Variants in FRMD4A observed in about 807,000 individuals in gnomAD.
FRMD4A encodes FERM domain containing 4A.
Under a neutral mutation model 129.1 loss-of-function variants are expected in FRMD4A, and 29 were observed. That is an observed-to-expected ratio of 0.22 (90% CI 0.17 to 0.31). FRMD4A has a LOEUF of 0.31. Among genes scored for constraint, FRMD4A ranks in the 10% least tolerant of loss-of-function variants. The probability of loss-of-function intolerance (pLI) is 1.00; values close to 1 mark genes in which losing one functional copy is unlikely to be tolerated. For missense variants in FRMD4A, 1,272 were observed against 1,375.8 expected (o/e 0.92, Z 1.19); for synonymous variants, 634 against 571.6 (o/e 1.11, Z -1.56).
At position 14,123,490 on chromosome 10, in the gene FRMD4A, A is replaced by G. The variant is rs547179562; in HGVS notation, c.45+206568T>C. On this transcript the variant is annotated intron_variant, in intron 2 of 24. Transcript: ENST00000357447. ...AGAAAACTCCTAGCCTTCTTCCTGC[A>G]TAGGAAAACTGGATTTCTCTAGAAG... Among the ~76,000 whole-genome samples the G allele has an allele frequency of 2.2e-3, 330 of 152,322 alleles. 2 individuals carry two copies. The highest frequency in any genetic ancestry group is 7.7e-3 in the African/African-American group (319 of 41,578).
At chr10:13,844,242 C>T (rs759244025) in intron 3 of FRMD4A, among the ~76,000 whole-genome samples, 23 of 152,084 alleles carry the variant, frequency 1.5e-4, no homozygotes, top group Non-Finnish European at 3.1e-4. Flanking sequence ...TTAGACATCA[C>T]ATAGTCATTG....
chr10:13,694,026 G>A lies in FRMD4A; in HGVS notation c.989C>T (p.Ala330Val), dbSNP rs2085980720. 2.0e-6 allele frequency: 3 copies of A among 1,513,082 alleles called. No individual in the cohort carries two copies. The highest frequency in any genetic ancestry group is 1.8e-6 in the Non-Finnish European group (2 of 1,132,438). 93.7% of individuals were successfully genotyped at this position (1,513,082 alleles called of 1,614,324 possible). A position where few individuals can be genotyped will look rare whatever the true frequency, so the allele number is the denominator to read the frequency against. The change falls in exon 15 of 25, where the codon GCA becomes GTA. Residue 330 changes from alanine to valine, a missense_variant. By Grantham distance (64) the Ala-to-Val change is moderately conservative. Transcript: ENST00000357447. Reference protein sequence around the residue: ...DRKQSKSKIHAARSLSEIAID... With the variant: ...DRKQSKSKIHVARSLSEIAID... ...GGCGATCTCACTCAGGCTGCGTGCT[G>A]CATGGATTTTGGACTGGAATGGAAA...
At chr10:14,106,548 CAGGACTAG>C in intron 2 of FRMD4A, among the ~76,000 whole-genome samples, 1 of 152,126 alleles carries the variant, frequency 6.6e-6, no homozygotes, top group East Asian at 1.9e-4. Context: ...ATTTCAAAAT[CAGGACTAG>C]AGTTTTACAC....
intron 2 of FRMD4A, among the ~76,000 whole-genome samples, chr10:13,978,537 T>C: frequency 6.6e-6 from 1 of 152,202 alleles, no homozygotes; most frequent in Non-Finnish European, 1.5e-5. Context: ...GAAATAGCAC[T>C]GGTACGGCTA....
At chr10:13,970,692 A>G (rs1039255196) in intron 2 of FRMD4A, among the ~76,000 whole-genome samples, 3 of 152,064 alleles carry the variant, frequency 2.0e-5, no homozygotes, top group African/African-American at 7.2e-5. Flanking sequence ...TTCACTTGCT[A>G]TGCTGCCTGC....
intron 2 of FRMD4A, among the ~76,000 whole-genome samples, chr10:14,215,578 G>A (rs1843049603): frequency 6.6e-6 from 1 of 152,036 alleles, no homozygotes; most frequent in Admixed American, 6.6e-5. Flanking sequence ...TAAGGAAGTG[G>A]GGGGAAAAGC....
chr10:14,181,025 A>T lies in FRMD4A; in HGVS notation c.45+149033T>A, dbSNP rs1403527688. 3.3e-5 allele frequency among the ~76,000 whole-genome samples: 5 copies of T among 152,222 alleles called. 1 individual carries two copies. The highest frequency in any genetic ancestry group is 4.4e-5 in the Non-Finnish European group (3 of 68,040). Reference sequence around the variant, plus strand: ...CTTTTAGACTCTGCCCCATTTTCTAAAGAACAGCAATTGCCTAAAGTTATC... The same window carrying T: ...CTTTTAGACTCTGCCCCATTTTCTATAGAACAGCAATTGCCTAAAGTTATC... On this transcript the variant is annotated intron_variant, in intron 2 of 24. Transcript: ENST00000357447.
At chr10:14,185,590 G>A (rs772800347) in intron 2 of FRMD4A, among the ~76,000 whole-genome samples, 39 of 150,372 alleles carry the variant, frequency 2.6e-4, no homozygotes, top group African/African-American at 6.1e-4. Flanking sequence ...TTGTAAGAAA[G>A]AGAAACAGGT....
intron 3 of FRMD4A, among the ~76,000 whole-genome samples, chr10:13,813,950 T>C (rs1273040354): frequency 6.6e-6 from 1 of 152,256 alleles, no homozygotes; most frequent in East Asian, 1.9e-4. Flanking sequence ...GCTTTCAAAG[T>C]AGTCACTGTA....
chr10:14,251,951 A>G (rs895379668), intron 2 of FRMD4A, among the ~76,000 whole-genome samples: 1 of 152,210 alleles, frequency 6.6e-6, no homozygotes, highest in East Asian at 1.9e-4. Flanking sequence ...ATATATGCTT[A>G]TTATGATGAT....
intron 16 of FRMD4A, 87 bp from the exon 17 acceptor site, chr10:13,670,615 G>A (rs555796318): frequency 4.3e-5 from 60 of 1,409,098 alleles, no homozygotes; most frequent in South Asian, 4.0e-4. Flanking sequence ...GCACATACAC[G>A]CACACAAAAA....
intron 2 of FRMD4A, among the ~76,000 whole-genome samples, chr10:14,248,445 T>C (rs1844322657): frequency 6.6e-6 from 1 of 150,884 alleles, no homozygotes; most frequent in Non-Finnish European, 1.5e-5. Context: ...AATGTGTTCG[T>C]TATCTCTAGA....
At chr10:14,284,403 C>G (rs1845615320) in intron 2 of FRMD4A, among the ~76,000 whole-genome samples, 1 of 152,160 alleles carries the variant, frequency 6.6e-6, no homozygotes, top group Non-Finnish European at 1.5e-5. Flanking sequence ...AATGCCAGCA[C>G]TTTGGGAGGC....
intron 2 of FRMD4A, among the ~76,000 whole-genome samples, chr10:13,964,470 G>A (rs2095470458): frequency 6.8e-6 from 1 of 148,124 alleles, no homozygotes; most frequent in Non-Finnish European, 1.5e-5. Flanking sequence ...GGAGCTGGAG[G>A]CAGGGTGGGG....
At chr10:13,813,147 T>C (rs916896504) in intron 3 of FRMD4A, among the ~76,000 whole-genome samples, 3 of 152,258 alleles carry the variant, frequency 2.0e-5, no homozygotes, top group Non-Finnish European at 2.9e-5. Flanking sequence ...GGCTGCTTTT[T>C]AAATTGCAAG....
At chr10:13,730,480 G>C (rs2090244520) in intron 12 of FRMD4A, among the ~76,000 whole-genome samples, 1 of 152,048 alleles carries the variant, frequency 6.6e-6, no homozygotes. Flanking sequence ...TTTCTTTTCT[G>C]ATGGCCTAGC....
At chr10:13,901,395 G>A (rs1243787712) in intron 2 of FRMD4A, among the ~76,000 whole-genome samples, 1 of 152,148 alleles carries the variant, frequency 6.6e-6, no homozygotes, top group Non-Finnish European at 1.5e-5. Context: ...CCTTGAACCA[G>A]AGATCAGGAG....
intron 2 of FRMD4A, among the ~76,000 whole-genome samples, chr10:14,230,198 G>C (rs963983296): frequency 6.6e-6 from 1 of 152,176 alleles, no homozygotes; most frequent in African/African-American, 2.4e-5. Context: ...TCCCAAATCA[G>C]AAATGTGGGG....
chr10:13,706,964 C>T, intron 13 of FRMD4A, 73 bp downstream of exon 13: 1 of 811,348 alleles, frequency 1.2e-6, no homozygotes, highest in South Asian at 1.4e-5. Context: ...CAACGACAGC[C>T]CCAAAATAAT....
Sources: allele counts gnomAD v4.1 joint callset (sites outside exome capture counted in the v4.1 genomes callset), GRCh38; gene constraint gnomAD v4.1.1; transcripts MANE v1.5; gene names NCBI Gene and HGNC (gene_info 2026-07-23, HGNC 2026-07-21).